CSGALNACT2: variants seen among roughly 807,000 people sequenced by gnomAD.
The protein encoded by CSGALNACT2 is chondroitin sulfate N-acetylgalactosaminyltransferase 2.
CSGALNACT2 carries 35 observed loss-of-function variants against 55.3 expected under a neutral mutation model. The observed-to-expected ratio is 0.63, with a 90% CI of 0.48 to 0.84. CSGALNACT2 has a LOEUF of 0.84. Among genes scored for constraint, CSGALNACT2 ranks in the 40% least tolerant of loss-of-function variants. CSGALNACT2 has a pLI of 0.00. For missense variants in CSGALNACT2, 544 were observed against 657.5 expected, an observed-to-expected ratio of 0.83 and a Z score of 1.89; for synonymous variants, 196 against 224.9, an observed-to-expected ratio of 0.87 and a Z score of 1.15.
chr10:43,158,403 C>T (rs1026829901), intron 2 of CSGALNACT2, among the ~76,000 whole-genome samples: 2 of 149,272 alleles, frequency 1.3e-5, no homozygotes, highest in Non-Finnish European at 2.9e-5. Context: ...GAAGTAATTT[C>T]TTTATTTATC....
At position 43,150,495 on chromosome 10, in the gene CSGALNACT2, A is replaced by G. The variant is rs543946031; in HGVS notation, c.-253-4402A>G. 2.6e-5 allele frequency among the ~76,000 whole-genome samples: 4 copies of G among 152,318 alleles called. No homozygotes were observed. In the East Asian group the frequency reaches 7.7e-4, roughly 29 times the overall value. On this transcript the variant is annotated intron_variant, in intron 1 of 7. Transcript: ENST00000374466. ...TCAAAGATAATTTCTCTGGGTATAG[A>G]ATTGTAGGCTGGCATATTTTTCTTT...
intron 2 of CSGALNACT2, among the ~76,000 whole-genome samples, chr10:43,157,085 CCTGCCATTTTT>C (rs2133115482): frequency 6.6e-6 from 1 of 152,328 alleles, no homozygotes; most frequent in African/African-American, 2.4e-5. Flanking sequence ...GCTGTCACTT[CCTGCCATTTTT>C]GATGGATTAT....
intron 2 of CSGALNACT2, among the ~76,000 whole-genome samples, chr10:43,157,117 ACT>A (rs10567079): frequency 0.013 from 1,967 of 150,842 alleles, 45 homozygotes; most frequent in African/African-American, 0.045. Context: ...TTTTCTCAAA[ACT>A]CTTCTGATTT....
intron 1 of CSGALNACT2, among the ~76,000 whole-genome samples, chr10:43,151,508 C>T (rs1386117890): frequency 6.6e-6 from 1 of 152,128 alleles, no homozygotes; most frequent in African/African-American, 2.4e-5. Flanking sequence ...TGCACTAATC[C>T]TGGCCCTGTA....
chr10:43,165,040 A>C (rs1038909370), intron 5 of CSGALNACT2, among the ~76,000 whole-genome samples: 1 of 151,844 alleles, frequency 6.6e-6, no homozygotes, highest in Non-Finnish European at 1.5e-5. Flanking sequence ...TGGCTAACAC[A>C]GTGAAACCCC....
At chr10:43,144,170 A>T (rs566179082) in intron 1 of CSGALNACT2, among the ~76,000 whole-genome samples, 2 of 152,360 alleles carry the variant, frequency 1.3e-5, no homozygotes, top group Admixed American at 1.3e-4. Context: ...TATACAGAAT[A>T]TGTTTTATAA....
intron 1 of CSGALNACT2, among the ~76,000 whole-genome samples, chr10:43,143,211 C>T (rs566740036): frequency 2.7e-4 from 41 of 152,294 alleles, no homozygotes; most frequent in African/African-American, 7.7e-4. Context: ...ATGGTAACAC[C>T]ATTTTGTAGG....
intron 1 of CSGALNACT2, among the ~76,000 whole-genome samples, chr10:43,141,221 A>AT (rs772008206): frequency 1.4e-3 from 205 of 145,058 alleles, no homozygotes; most frequent in South Asian, 6.8e-3. Flanking sequence ...TCTACAAATA[A>AT]TTTTTTTTTT....
chr10:43,146,932 C>T (rs1422970407), intron 1 of CSGALNACT2, among the ~76,000 whole-genome samples: 2 of 149,100 alleles, frequency 1.3e-5, no homozygotes, highest in African/African-American at 2.5e-5. Flanking sequence ...GTTTGATTTG[C>T]ATTTCCCTAA....
At chr10:43,162,071 C>A in intron 4 of CSGALNACT2, 1 of 492,464 alleles carries the variant, frequency 2.0e-6, no homozygotes, top group Non-Finnish European at 4.1e-6. Flanking sequence ...TTGTTACAAC[C>A]AAATTTGGGG....
intron 1 of CSGALNACT2, among the ~76,000 whole-genome samples, chr10:43,152,837 G>T (rs745818839): frequency 1.4e-4 from 21 of 151,826 alleles, no homozygotes; most frequent in Non-Finnish European, 2.4e-4. Context: ...CTAATAAATG[G>T]GCTAGTAATA....
intron 6 of CSGALNACT2, among the ~76,000 whole-genome samples, chr10:43,168,664 G>A (rs974110150): frequency 9.5e-6 from 1 of 105,046 alleles, no homozygotes; most frequent in Non-Finnish European, 1.9e-5. Flanking sequence ...ACTTGGCATA[G>A]TACACACAGA....
At chr10:43,179,962 T>C (rs182349185) in intron 7 of CSGALNACT2, among the ~76,000 whole-genome samples, 20 of 152,370 alleles carry the variant, frequency 1.3e-4, no homozygotes, top group African/African-American at 3.8e-4. Flanking sequence ...TTTGTTCTTA[T>C]GGACTTCCTC....
At chr10:43,167,432 C>T (rs1392100267) in intron 6 of CSGALNACT2, among the ~76,000 whole-genome samples, 1 of 150,928 alleles carries the variant, frequency 6.6e-6, no homozygotes, top group Non-Finnish European at 1.5e-5. Context: ...ACCCTACTAA[C>T]TAGAAATTAA....
rs143063919 is a variant in CSGALNACT2, at chr10:43,147,266, C to T, written c.-253-7631C>T. Among the ~76,000 whole-genome samples the T allele has an allele frequency of 2.5e-3, 381 of 152,244 alleles. 1 individual carries two copies. The highest frequency in any genetic ancestry group is 8.4e-3 in the African/African-American group (349 of 41,548). ...CTGGGATTACAGGCGTGAGCCACCGCGCCCGGCCGAGCATCTTTTTCAAGT... is the reference window on the plus strand; with the variant it reads ...CTGGGATTACAGGCGTGAGCCACCGTGCCCGGCCGAGCATCTTTTTCAAGT... On this transcript the variant is annotated intron_variant, in intron 1 of 7. Transcript: ENST00000374466.
intron 4 of CSGALNACT2, chr10:43,162,215 A>G (rs767001300): frequency 5.8e-6 from 3 of 519,980 alleles, no homozygotes; most frequent in South Asian, 1.4e-5. Context: ...CTTCTTCCAC[A>G]TGGTGAGGGA....
At chr10:43,176,354 A>T (rs1839481151) in intron 7 of CSGALNACT2, among the ~76,000 whole-genome samples, 1 of 152,176 alleles carries the variant, frequency 6.6e-6, no homozygotes, top group South Asian at 2.1e-4. Flanking sequence ...CTATAACTTT[A>T]CTGTTGTGCC....
intron 1 of CSGALNACT2, among the ~76,000 whole-genome samples, chr10:43,151,455 G>A (rs1838872093): frequency 6.6e-6 from 1 of 152,130 alleles, no homozygotes; most frequent in African/African-American, 2.4e-5. Context: ...TCTACCGAGT[G>A]CCCTGGGAAT....
At chr10:43,178,912 C>T (rs1839535741) in intron 7 of CSGALNACT2, among the ~76,000 whole-genome samples, 1 of 152,024 alleles carries the variant, frequency 6.6e-6, no homozygotes, top group Non-Finnish European at 1.5e-5. Context: ...TATTTCTCTT[C>T]ATTCTTTTCT....
Sources: gnomAD v4.1 joint callset for allele counts (sites outside exome capture counted in the v4.1 genomes callset) on GRCh38, gnomAD v4.1.1 for gene constraint, MANE v1.5 for transcripts, NCBI Gene and HGNC (gene_info 2026-07-23, HGNC 2026-07-21) for gene names.